The following LY6E variants were observed in gnomAD, a reference collection of about 807,000 sequenced individuals.
The protein encoded by LY6E is lymphocyte antigen 6 family member E.
LY6E carries 4 observed loss-of-function variants against 7.7 expected under a neutral mutation model. The ratio of observed to expected loss-of-function variants is 0.52; its 90% CI spans 0.25 to 1.18. LY6E has a LOEUF of 1.18. Among genes scored for constraint, LY6E ranks in the 50% most tolerant of loss-of-function variants. LY6E has a pLI of 0.14. For synonymous variants in LY6E, 81 were observed against 80.1 expected (o/e 1.01, Z -0.06); for missense variants, 156 against 168.0 (o/e 0.93, Z 0.40).
intron 1 of LY6E, among the ~76,000 whole-genome samples, chr8:143,020,542 G>A (rs567940801): frequency 6.6e-6 from 1 of 152,278 alleles, no homozygotes; most frequent in Non-Finnish European, 1.5e-5. Context: ...CCCCAGACTA[G>A]CTAATATTAT....
At position 143,021,155 on chromosome 8, in the gene LY6E, G is replaced by A. The variant is rs114862285; in HGVS notation, c.53-159G>A. Among the ~76,000 whole-genome samples the A allele has an allele frequency of 2.2e-3, 328 of 152,272 alleles. 1 individual carries two copies. The highest frequency in any genetic ancestry group is 7.6e-3 in the African/African-American group (314 of 41,540). On this transcript the variant is annotated intron_variant, in intron 2 of 3. Coordinates refer to ENST00000292494, the MANE Select transcript of LY6E (RefSeq NM_002346.3). ...CTGTCTCACTGTGTGTTTGAGTGTCGCTTGACCTGCTCGACGGCCAGGGTG... is the reference window on the plus strand; with the variant it reads ...CTGTCTCACTGTGTGTTTGAGTGTCACTTGACCTGCTCGACGGCCAGGGTG...
At chr8:143,020,707 G>A (rs1819197685) in intron 1 of LY6E, among the ~76,000 whole-genome samples, 176 bp from the exon 2 acceptor site, 1 of 152,230 alleles carries the variant, frequency 6.6e-6, no homozygotes, top group Non-Finnish European at 1.5e-5. Flanking sequence ...GAGGGAGATA[G>A]CCTAGAGCAT....
intron 3 of LY6E, 24 bp from the exon 4 acceptor site, chr8:143,021,542 C>G: frequency 6.2e-7 from 1 of 1,613,384 alleles, no homozygotes; most frequent in Non-Finnish European, 8.5e-7. Context: ...TGTCTCTCCC[C>G]TGACAGCCTC....
intron 1 of LY6E, chr8:143,018,929 C>G (rs928521317): frequency 6.6e-6 from 1 of 152,290 alleles, no homozygotes; most frequent in African/African-American, 2.4e-5. Flanking sequence ...CCACTGGAGC[C>G]CATCACCCAA....
chr8:143,021,000 C>T lies in LY6E; in HGVS notation c.52+9C>T, dbSNP rs780322623. 1.9e-6 allele frequency: 3 copies of T among 1,613,020 alleles called. No homozygotes were observed. Among genetic ancestry groups the T allele is most frequent in the African/African-American group, 1.3e-5 (1 of 74,778 alleles). On this transcript the variant is annotated intron_variant, in intron 2 of 3. Transcript: ENST00000292494. ...TCTGGGTGTGGAGCGAGGTGAGGTG[C>T]CCTTGGGGACCCCAGACCTTTGTCC... is the stretch of plus-strand genomic sequence containing the variant.
chr8:143,021,236 T>C (rs1819211344), intron 2 of LY6E, 78 bp from the exon 3 acceptor site: 1 of 1,557,094 alleles, frequency 6.4e-7, no homozygotes. Flanking sequence ...CAGTAATTTC[T>C]CAGTAAATGT....
chr8:143,021,533 GTC>G (rs1180145837), intron 3 of LY6E, 31 bp from the exon 4 acceptor site: 1 of 1,613,124 alleles, frequency 6.2e-7, no homozygotes, highest in Admixed American at 1.7e-5. Flanking sequence ...GCAGCCGTCT[GTC>G]TCTCCCCTGA....
rs554470399 is a variant in LY6E, at chr8:143,020,870, T to C, written c.-57-13T>C. The C allele has an allele frequency of 6.8e-7, 1 of 1,473,982 alleles. No homozygotes were observed. The highest frequency in any genetic ancestry group is 1.4e-5 in the African/African-American group (1 of 72,434). 91.3% of individuals were successfully genotyped at this position (1,473,982 alleles called of 1,614,324 possible). On this transcript the variant is annotated splice_polypyrimidine_tract_variant and intron_variant, in intron 1 of 3. Coordinates refer to ENST00000292494, the MANE Select transcript of LY6E (RefSeq NM_002346.3). Reference sequence around the variant, plus strand: ...AGGCACCACCCGGCCCCCTAACCAGTGTGTCTCTCCAGAGCAGGACAGGCT... The same window carrying C: ...AGGCACCACCCGGCCCCCTAACCAGCGTGTCTCTCCAGAGCAGGACAGGCT...
At chr8:143,020,697 G>A (rs1819197410) in intron 1 of LY6E, among the ~76,000 whole-genome samples, 186 bp from the exon 2 acceptor site, 1 of 152,230 alleles carries the variant, frequency 6.6e-6, no homozygotes. Flanking sequence ...CAGGTTTCAG[G>A]AGGGAGATAG....
In LY6E at chr8:143,021,449, C is replaced by T. The variant is rs2130453411; in HGVS notation, c.172+16C>T. On this transcript the variant is annotated intron_variant, in intron 3 of 3. Transcript: ENST00000292494. ...GCCGGCATTGGTGAGTGCCAGGCCT[C>T]AGACCGTGCCTTCCTCCCCTGGCCA... The T allele has an allele frequency of 6.2e-7, 1 of 1,613,922 alleles. No homozygotes were observed. Among genetic ancestry groups the T allele is most frequent in the Admixed American group, 1.7e-5 (1 of 60,032 alleles).
At position 143,022,004 on chromosome 8, in the gene LY6E, C is replaced by G; in HGVS notation, c.*215C>G. ...TCACTTCTGGGGTGGATGATGTGAC[C>G]TTCCTTGGGGGACCGCGGAAGGGAC... On this transcript the variant is annotated 3_prime_UTR_variant, in exon 4 of 4. Transcript: ENST00000292494. The G allele has an allele frequency of 1.7e-6, 1 of 591,886 alleles. No homozygotes were observed. The highest frequency in any genetic ancestry group is 3.0e-6 in the Non-Finnish European group (1 of 333,678). 36.7% of individuals were successfully genotyped at this position (591,886 alleles called of 1,614,324 possible).
chr8:143,019,300 C>T (rs1049518539), intron 1 of LY6E, among the ~76,000 whole-genome samples: 3 of 152,214 alleles, frequency 2.0e-5, no homozygotes, highest in Admixed American at 6.5e-5. Flanking sequence ...CAGGGGCGCC[C>T]CCCACGGCCT....
chr8:143,021,698 C>T lies in LY6E; in HGVS notation c.305C>T (p.Ala102Val), dbSNP rs781214828. 5.8e-5 allele frequency: 93 copies of T among 1,613,554 alleles called. No homozygotes were observed. Among genetic ancestry groups the T allele is most frequent in the East Asian group, 2.9e-4 (13 of 44,876 alleles). The change falls in exon 4 of 4, where the codon GCG (alanine) becomes GTG (valine). Residue 102 changes from alanine to valine, a missense_variant. Transcript: ENST00000292494. ...CAGAGCTTTCTGTGCAATTTCAGTG[C>T]GGCCGATGGCGGGCTGCGGGCAAGC... is the stretch of plus-strand genomic sequence containing the variant. ...CCQSFLCNFSAADGGLRASVT... is the reference protein window; with the variant it reads ...CCQSFLCNFSVADGGLRASVT...
intron 1 of LY6E, among the ~76,000 whole-genome samples, chr8:143,019,917 T>A (rs1819175993): frequency 6.6e-6 from 1 of 152,128 alleles, no homozygotes. Context: ...GTGCAGAGGG[T>A]CCTGTGCAGA....
chr8:143,020,923 C>T lies in LY6E; in HGVS notation c.-17C>T, dbSNP rs758320877. 16 of 1,613,252 alleles carry T rather than the reference C, an allele frequency of 9.9e-6. No individual in the cohort carries two copies. The highest frequency in any genetic ancestry group is 4.4e-5 in the South Asian group (4 of 90,990). ...TTTGGTTTGTGACCTCCAGGCAGGA[C>T]GGCCATCCTCTCCAGAATGAAGATC... On this transcript the variant is annotated 5_prime_UTR_variant, in exon 2 of 4. It adds an upstream start codon to the 5' untranslated region. Coordinates refer to ENST00000292494, the MANE Select transcript of LY6E (RefSeq NM_002346.3).
rs1230577996 is a variant in LY6E at position 143,021,705 on chromosome 8, T to G, written c.312T>G (p.Asp104Glu). The change falls in exon 4 of 4, where the codon GAT (aspartate) becomes GAG (glutamate). Residue 104 changes from aspartate (D) to glutamate (E), a missense_variant. Physicochemically the swap from Asp to Glu is conservative, Grantham distance 45 (BLOSUM62 2). Transcript: ENST00000292494. ...TTCTGTGCAATTTCAGTGCGGCCGA[T>G]GGCGGGCTGCGGGCAAGCGTCACCC... Reference protein sequence around the residue: ...QSFLCNFSAADGGLRASVTLL... With the variant: ...QSFLCNFSAAEGGLRASVTLL... 13 of 1,613,414 alleles carry G rather than the reference T, an allele frequency of 8.1e-6. No individual in the cohort carries two copies. The highest frequency in any genetic ancestry group is 1.1e-5 in the Non-Finnish European group (13 of 1,180,042).
At position 143,021,945 on chromosome 8, in the gene LY6E, C is replaced by A. The variant is rs113719829; in HGVS notation, c.*156C>A. The A allele has an allele frequency of 5.9e-6, 4 of 672,502 alleles. No individual in the cohort carries two copies. The highest frequency in any genetic ancestry group is 9.9e-6 in the Non-Finnish European group (4 of 403,538). 41.7% of individuals were successfully genotyped at this position (672,502 alleles called of 1,614,324 possible). On this transcript the variant is annotated 3_prime_UTR_variant, in exon 4 of 4. Coordinates refer to ENST00000292494, the MANE Select transcript of LY6E (RefSeq NM_002346.3). ...CCCCCTGCACCTCCACCTGCCCCAG[C>A]CCCTGCCTCTGCCCCAAGTGGGGCC...
In LY6E at chr8:143,021,708, C is replaced by A; in HGVS notation, c.315C>A (p.Gly105=). The A allele has an allele frequency of 1.9e-6, 3 of 1,613,428 alleles. No homozygotes were observed. The highest frequency in any genetic ancestry group is 2.5e-6 in the Non-Finnish European group (3 of 1,180,026). ...TGTGCAATTTCAGTGCGGCCGATGGCGGGCTGCGGGCAAGCGTCACCCTGC... is the reference window on the plus strand; with the variant it reads ...TGTGCAATTTCAGTGCGGCCGATGGAGGGCTGCGGGCAAGCGTCACCCTGC... The part of the protein sequence containing the change: ...SFLCNFSAAD[G]GLRASVTLLG... Residue 105 remains glycine, a synonymous_variant, in exon 4 of 4, where the codon GGC becomes GGA. Coordinates refer to ENST00000292494, the MANE Select transcript of LY6E (RefSeq NM_002346.3).
At chr8:143,019,869 G>C (rs1586614007) in intron 1 of LY6E, among the ~76,000 whole-genome samples, 1 of 152,174 alleles carries the variant, frequency 6.6e-6, no homozygotes, top group Admixed American at 6.5e-5. Context: ...AGAGAATCAC[G>C]ACCCCAGCTG....
Sources: allele counts gnomAD v4.1 joint callset (sites outside exome capture counted in the v4.1 genomes callset), GRCh38; gene constraint gnomAD v4.1.1; transcripts MANE v1.5; gene names NCBI Gene and HGNC (gene_info 2026-07-23, HGNC 2026-07-21).